FOXN3: variants seen among roughly 807,000 people sequenced by gnomAD.
FOXN3 encodes forkhead box protein N3.
A neutral mutation model predicts 38.4 loss-of-function variants in FOXN3; 7 were observed. The observed-to-expected ratio is 0.18, with a 90% confidence interval of 0.10 to 0.34. The LOEUF is 0.34. Among genes scored for constraint, FOXN3 ranks in the 10% least tolerant of loss-of-function variants. The pLI is 1.00. For missense variants in FOXN3, 456 were observed against 613.4 expected, an observed-to-expected ratio of 0.74 and a Z score of 2.71; for synonymous variants, 230 against 242.2, an observed-to-expected ratio of 0.95 and a Z score of 0.47.
At chr14:89,265,563 T>C (rs1022057035) in intron 4 of FOXN3, among the ~76,000 whole-genome samples, 1 of 151,800 alleles carries the variant, frequency 6.6e-6, no homozygotes, top group African/African-American at 2.4e-5. Context: ...CACAGATGAA[T>C]GAACTGGGGG....
intron 1 of FOXN3, among the ~76,000 whole-genome samples, chr14:89,614,483 T>G (rs1020040931): frequency 7.2e-5 from 11 of 152,364 alleles, no homozygotes; most frequent in African/African-American, 2.4e-4. Flanking sequence ...TACACTGTAT[T>G]ACGTCACTAA....
chr14:89,415,761 C>T (rs997583042), intron 1 of FOXN3, among the ~76,000 whole-genome samples: 1 of 150,940 alleles, frequency 6.6e-6, no homozygotes, highest in Non-Finnish European at 1.5e-5. Context: ...TGCAGTTAAG[C>T]AAACATTTTT....
At position 89,161,093 on chromosome 14, in the gene FOXN3, A is replaced by C. The variant is rs1337128757; in HGVS notation, c.*1321T>G. 6.6e-6 allele frequency: 1 copy of C among 152,456 alleles called. No homozygotes were observed. Among genetic ancestry groups the C allele is most frequent in the Non-Finnish European group, 1.5e-5 (1 of 67,988 alleles). 9.4% of individuals were successfully genotyped at this position (152,456 alleles called of 1,614,324 possible). A position where few individuals can be genotyped will look rare whatever the true frequency, so the allele number is the denominator to read the frequency against. On this transcript the variant is annotated 3_prime_UTR_variant, in exon 6 of 6. Transcript: ENST00000557258. Reference sequence around the variant, plus strand: ...TTATTTACCTTACAAGAACTTTGTTACTTTTGAATAAAAAAAGTTTGTTTT... The same window carrying C: ...TTATTTACCTTACAAGAACTTTGTTCCTTTTGAATAAAAAAAGTTTGTTTT...
chr14:89,415,604 CAAAAAAAAAA>C lies in FOXN3; in HGVS notation c.-15+1257_-15+1266del, dbSNP rs34026101. 6.2e-3 allele frequency among the ~76,000 whole-genome samples: 338 copies of C among 54,288 alleles called. 4 individuals carry two copies. The highest frequency in any genetic ancestry group is 0.029 in the Middle Eastern group (2 of 68). 35.6% of individuals were successfully genotyped at this position (54,288 alleles called of 152,430 possible). Reference sequence around the variant, plus strand: ...AAAAACAAAACAAAACAACAATAACCAAAAAAAAAAAAAAAAAAAAAAAAAAACAGTTCCC... The same window carrying C: ...AAAAACAAAACAAAACAACAATAACCAAAAAAAAAAAAAAAAACAGTTCCC... On this transcript the variant is annotated intron_variant, in intron 1 of 5. Transcript: ENST00000557258.
intron 3 of FOXN3, among the ~76,000 whole-genome samples, chr14:89,292,746 T>C (rs898781282): frequency 3.3e-4 from 50 of 152,266 alleles, no homozygotes; most frequent in African/African-American, 1.2e-3. Context: ...GCGAGAGATC[T>C]ATTGTTTGTA....
chr14:89,616,289 T>C (rs1896491820), intron 1 of FOXN3, among the ~76,000 whole-genome samples: 1 of 152,192 alleles, frequency 6.6e-6, no homozygotes, highest in Non-Finnish European at 1.5e-5. Flanking sequence ...ACTGGAAATA[T>C]TTGCAATTTT....
chr14:89,175,997 T>C (rs543594588), intron 5 of FOXN3, among the ~76,000 whole-genome samples: 1 of 152,316 alleles, frequency 6.6e-6, no homozygotes, highest in South Asian at 2.1e-4. Flanking sequence ...ATGCAATCTC[T>C]GCAAGGGATT....
At chr14:89,539,807 G>C (rs1894761424) in intron 1 of FOXN3, among the ~76,000 whole-genome samples, 3 of 152,188 alleles carry the variant, frequency 2.0e-5, no homozygotes, top group Admixed American at 6.5e-5. Context: ...GTTAGGGTTA[G>C]TCCACGGCAG....
At chr14:89,366,387 T>TCTA (rs1314244464) in intron 2 of FOXN3, among the ~76,000 whole-genome samples, 2 of 152,226 alleles carry the variant, frequency 1.3e-5, no homozygotes, top group Non-Finnish European at 2.9e-5. Flanking sequence ...CCTCTTTTTT[T>TCTA]CTAACAGTTG....
intron 1 of FOXN3, among the ~76,000 whole-genome samples, chr14:89,429,797 C>A (rs529557871): frequency 1.3e-5 from 2 of 152,330 alleles, no homozygotes; most frequent in East Asian, 3.9e-4. Flanking sequence ...CTAATGAGCT[C>A]ATTCATGCTG....
chr14:89,513,150 G>GAAAAAAAAAAAAAAAA (rs36003791), intron 1 of FOXN3, among the ~76,000 whole-genome samples: 10 of 102,018 alleles, frequency 9.8e-5, no homozygotes, highest in Non-Finnish European at 1.3e-4. Flanking sequence ...TCCATCTCAG[G>GAAAAAAAAAAAAAAAA]AAAAAAAAAA....
At chr14:89,438,090 T>C (rs1185383131) in intron 1 of FOXN3, among the ~76,000 whole-genome samples, 1 of 152,278 alleles carries the variant, frequency 6.6e-6, no homozygotes, top group Non-Finnish European at 1.5e-5. Context: ...GAACACATTC[T>C]TTAGTAATTC....
intron 3 of FOXN3, chr14:89,290,590 G>T: frequency 1.8e-6 from 1 of 553,256 alleles, no homozygotes; most frequent in Non-Finnish European, 3.6e-6. Flanking sequence ...GAAATCACAA[G>T]GTCATTCCTG....
intron 1 of FOXN3, among the ~76,000 whole-genome samples, chr14:89,539,162 A>T (rs1894747893): frequency 6.6e-6 from 1 of 152,038 alleles, no homozygotes; most frequent in Admixed American, 6.6e-5. Flanking sequence ...TTTTATTTTT[A>T]AAAATTTAGT....
rs147868004 is a variant in FOXN3, at chr14:89,331,689, A to T, written c.680+18983T>A. On this transcript the variant is annotated intron_variant, in intron 3 of 5. Coordinates refer to ENST00000557258, the MANE Select transcript of FOXN3 (RefSeq NM_005197.4). ...CGTATTTTTGGCCACCATTTATAGT[A>T]ACAAATAGGCTTCATTCTGACTGAG... Among the ~76,000 whole-genome samples, 5 of 152,356 alleles carry T rather than the reference A, an allele frequency of 3.3e-5. No individual in the cohort carries two copies. The East Asian group carries it at 9.6e-4, about 29-fold the overall frequency.
At chr14:89,243,690 T>C (rs1225210299) in intron 4 of FOXN3, among the ~76,000 whole-genome samples, 2 of 152,186 alleles carry the variant, frequency 1.3e-5, no homozygotes, top group Non-Finnish European at 2.9e-5. Context: ...TTTGACATCA[T>C]GGAATACAAT....
chr14:89,369,082 A>G, intron 2 of FOXN3, among the ~76,000 whole-genome samples: 1 of 152,046 alleles, frequency 6.6e-6, no homozygotes, highest in Non-Finnish European at 1.5e-5. Flanking sequence ...TTCCTGGGGG[A>G]GGGGAGAGGC....
chr14:89,589,807 T>G (rs1895915649), intron 1 of FOXN3, among the ~76,000 whole-genome samples: 1 of 152,198 alleles, frequency 6.6e-6, no homozygotes, highest in South Asian at 2.1e-4. Flanking sequence ...GCTGTGTGGT[T>G]GTATTCACAT....
chr14:89,470,184 G>C (rs748310119), intron 1 of FOXN3, among the ~76,000 whole-genome samples: 3 of 152,084 alleles, frequency 2.0e-5, no homozygotes, highest in Non-Finnish European at 2.9e-5. Context: ...GTCCTACTTA[G>C]TGGAATTTCT....
Sources: allele counts gnomAD v4.1 joint callset (sites outside exome capture counted in the v4.1 genomes callset), GRCh38; gene constraint gnomAD v4.1.1; transcripts MANE v1.5; gene names NCBI Gene and HGNC (gene_info 2026-07-23, HGNC 2026-07-21).